The following TMPRSS9 variants were observed in gnomAD, a reference collection of about 807,000 sequenced individuals.
TMPRSS9 encodes the protein transmembrane protease serine 9.
In TMPRSS9, 113 loss-of-function variants were observed where a neutral mutation model predicts 111.4. The observed-to-expected ratio is 1.01, with a 90% CI of 0.87 to 1.19. The LOEUF is 1.19. TMPRSS9 is among the 50% of genes most tolerant of loss of function. The probability of loss-of-function intolerance (pLI) is 0.00; values close to 1 mark genes in which losing one functional copy is unlikely to be tolerated. For synonymous variants in TMPRSS9, 805 were observed against 659.1 expected, an observed-to-expected ratio of 1.22 and a Z score of -3.39; for missense variants, 1,803 against 1,513.1, an observed-to-expected ratio of 1.19 and a Z score of -3.18.
chr19:2,415,419 G>T (rs1971206798), intron 10 of TMPRSS9, among the ~76,000 whole-genome samples: 1 of 152,050 alleles, frequency 6.6e-6, no homozygotes, highest in Non-Finnish European at 1.5e-5. Context: ...TGTTGCGGGG[G>T]GTCCTCGGGC....
chr19:2,391,953 G>A (rs962519484), intron 1 of TMPRSS9, among the ~76,000 whole-genome samples: 1 of 151,944 alleles, frequency 6.6e-6, no homozygotes, highest in Non-Finnish European at 1.5e-5. Context: ...TATTGGCCAG[G>A]ATGGTCTCAA....
rs373873712 is a variant in TMPRSS9, at chr19:2,408,045, G to T, written c.843-311G>T. On this transcript the variant is annotated intron_variant, in intron 7 of 17. Coordinates refer to ENST00000648592, the Ensembl canonical transcript of TMPRSS9. ...GATCCTCCCGCCTCAGCCTCCCAAA[G>T]TGCTGGGATTACAGGCATGAGCCAC... Among the ~76,000 whole-genome samples the T allele has an allele frequency of 2.2e-4, 33 of 152,034 alleles. No individual in the cohort carries two copies. In the East Asian group the frequency reaches 5.8e-3, roughly 27 times the overall value.
chr19:2,395,824 A>AATGTG (rs1568177634), intron 1 of TMPRSS9, among the ~76,000 whole-genome samples: 3 of 152,068 alleles, frequency 2.0e-5, no homozygotes, highest in Non-Finnish European at 4.4e-5. Context: ...TGGCTAACAC[A>AATGTG]GTGAAATCCC....
At chr19:2,412,222 T>C (rs948817347) in intron 9 of TMPRSS9, among the ~76,000 whole-genome samples, 9 of 139,924 alleles carry the variant, frequency 6.4e-5, no homozygotes, top group African/African-American at 2.6e-4. Context: ...AGCAAAACTT[T>C]TGTCTCTACA....
At chr19:2,422,552 G>A (rs879305452) in intron 14 of TMPRSS9, among the ~76,000 whole-genome samples, 18 of 152,118 alleles carry the variant, frequency 1.2e-4, no homozygotes, top group African/African-American at 4.3e-4. Context: ...ACTCCAGCCT[G>A]GCAACAAGCG....
At chr19:2,397,340 G>T (rs560606835) in intron 2 of TMPRSS9, among the ~76,000 whole-genome samples, 1 of 151,948 alleles carries the variant, frequency 6.6e-6, no homozygotes, top group African/African-American at 2.4e-5. Context: ...GTCCAGGCTG[G>T]AGTGCAGTGG....
chr19:2,396,386 A>G (rs936167144), intron 1 of TMPRSS9, 153 bp from the exon 3 acceptor site: 5 of 861,554 alleles, frequency 5.8e-6, no homozygotes, highest in Non-Finnish European at 6.6e-6. Flanking sequence ...GTAGCTATTC[A>G]GGGCTATCAC....
At chr19:2,385,728 G>A (rs1458673375), upstream of TMPRSS9, among the ~76,000 whole-genome samples, 2 of 152,022 alleles carry the variant, frequency 1.3e-5, no homozygotes, top group East Asian at 1.9e-4. Context: ...TGGCATGCCT[G>A]TAGTCCTATC....
chr19:2,403,339 C>T (rs1599297573), intron 6 of TMPRSS9, 144 bp downstream of exon 7: 3 of 680,672 alleles, frequency 4.4e-6, no homozygotes, highest in Admixed American at 4.9e-5. Flanking sequence ...AAGAAAGGGG[C>T]ACCCATGGTA....
chr19:2,424,989 G>C lies in TMPRSS9; in HGVS notation c.2718-13G>C, dbSNP rs1413935286. ...GGGGCTCGGGCCGACGCCTGTCCTC[G>C]CGCGCCCCGCAGCTACGGGGACCCC... On this transcript the variant is annotated splice_polypyrimidine_tract_variant and intron_variant, in intron 15 of 17. Coordinates refer to ENST00000648592, the Ensembl canonical transcript of TMPRSS9. 4 of 1,506,010 alleles carry C rather than the reference G, an allele frequency of 2.7e-6. No homozygotes were observed. The highest frequency in any genetic ancestry group is 2.6e-5 in the East Asian group (1 of 38,420). 93.3% of individuals were successfully genotyped at this position (1,506,010 alleles called of 1,614,324 possible).
At chr19:2,390,965 G>A (rs1448087543) in intron 1 of TMPRSS9, among the ~76,000 whole-genome samples, 2 of 149,926 alleles carry the variant, frequency 1.3e-5, no homozygotes, top group Non-Finnish European at 3.0e-5. Context: ...TCAGGAGTTC[G>A]AGACCACCCT....
chr19:2,369,879 C>T (rs928098801), intron 1 of TMPRSS9, among the ~76,000 whole-genome samples: 5 of 152,004 alleles, frequency 3.3e-5, no homozygotes, highest in African/African-American at 1.2e-4. Flanking sequence ...AGACTGCAGT[C>T]AGAGTGTTGG....
At chr19:2,418,225 A>AT (rs984350108) in intron 13 of TMPRSS9, 87 bp downstream of exon 14, 2 of 1,326,326 alleles carry the variant, frequency 1.5e-6, no homozygotes, top group South Asian at 1.4e-5. Context: ...GCAGACCTAG[A>AT]TTTTTTTCCT....
At chr19:2,367,402 T>G (rs527469553) in intron 1 of TMPRSS9, among the ~76,000 whole-genome samples, 75 of 149,640 alleles carry the variant, frequency 5.0e-4, no homozygotes, top group African/African-American at 1.8e-3. Context: ...GCTTATGTAC[T>G]TTTTTTTTTC....
intron 4 of TMPRSS9, among the ~76,000 whole-genome samples, chr19:2,401,003 G>T (rs9797685): frequency 1.3e-5 from 2 of 149,774 alleles, no homozygotes; most frequent in East Asian, 2.0e-4. Flanking sequence ...GGCCGGGCGC[G>T]GTGGCTTACG....
At chr19:2,415,304 A>G (rs920883815) in intron 10 of TMPRSS9, among the ~76,000 whole-genome samples, 3 of 151,628 alleles carry the variant, frequency 2.0e-5, no homozygotes, top group Non-Finnish European at 2.9e-5. Context: ...TAACAATCGT[A>G]CCCTTCCTTT....
intron 1 of TMPRSS9, among the ~76,000 whole-genome samples, chr19:2,374,249 T>A (rs1347564570): frequency 1.0e-4 from 1 of 9,768 alleles, no homozygotes; most frequent in Admixed American, 1.4e-3. Context: ...CTCAACAATC[T>A]TTTTTTTTTT....
chr19:2,390,538 C>T (rs770169901), intron 1 of TMPRSS9, among the ~76,000 whole-genome samples: 18 of 149,740 alleles, frequency 1.2e-4, no homozygotes, highest in Non-Finnish European at 1.5e-4. Context: ...CCACCGCGCC[C>T]GGCCCCAAAA....
chr19:2,392,352 C>G (rs1422541494), intron 1 of TMPRSS9, among the ~76,000 whole-genome samples: 4 of 151,972 alleles, frequency 2.6e-5, no homozygotes, highest in Non-Finnish European at 4.4e-5. Flanking sequence ...ATGATCACAC[C>G]ACTGCACTCC....
Sources: gnomAD v4.1 joint callset for allele counts (sites outside exome capture counted in the v4.1 genomes callset) on GRCh38, gnomAD v4.1.1 for gene constraint, MANE v1.5 for transcripts, NCBI Gene and HGNC (gene_info 2026-07-23, HGNC 2026-07-21) for gene names.